KAZN: variants seen among roughly 807,000 people sequenced by gnomAD.
The protein encoded by KAZN is kazrin, periplakin interacting protein, also known as kazrin.
In KAZN, 40 loss-of-function variants were observed where a neutral mutation model predicts 87.4. The ratio of observed to expected loss-of-function variants is 0.46; its 90% confidence interval spans 0.36 to 0.60. The LOEUF (loss-of-function observed/expected upper bound fraction) is 0.60, where lower values mean the gene tolerates loss of function less well. KAZN is among the 20% of genes least tolerant of loss of function. The pLI is 0.00. For synonymous variants in KAZN, 466 were observed against 458.3 expected, an observed-to-expected ratio of 1.02 and a Z score of -0.22; for missense variants, 898 against 1,073.9, an observed-to-expected ratio of 0.84 and a Z score of 2.29.
intron 5 of KAZN, among the ~76,000 whole-genome samples, chr1:15,057,485 T>C (rs1573212804): frequency 6.6e-6 from 1 of 152,214 alleles, no homozygotes; most frequent in Admixed American, 6.5e-5. Context: ...TCATCATTGA[T>C]AGGTGACACA....
At chr1:14,726,545 G>T (rs10927521) in intron 1 of KAZN, among the ~76,000 whole-genome samples, 95,990 of 152,066 alleles carry the variant, frequency 0.63, 31,115 homozygotes, top group Middle Eastern at 0.84. Context: ...TCGAGTGTCT[G>T]TGGGCTGGGT....
At chr1:15,091,356 TG>T (rs1251186550) in intron 8 of KAZN, among the ~76,000 whole-genome samples, 1 of 152,042 alleles carries the variant, frequency 6.6e-6, no homozygotes, top group African/African-American at 2.4e-5. Context: ...TTTTGTTTTT[TG>T]TTTTTGCAAT....
At chr1:15,031,350 G>A (rs189963742) in intron 2 of KAZN, among the ~76,000 whole-genome samples, 9 of 152,348 alleles carry the variant, frequency 5.9e-5, no homozygotes, top group Non-Finnish European at 5.9e-5. Flanking sequence ...GGAGGCTGTG[G>A]AGAGGGGTTA....
intron 1 of KAZN, among the ~76,000 whole-genome samples, chr1:14,698,821 G>T (rs1184722029): frequency 6.6e-6 from 1 of 152,234 alleles, no homozygotes; most frequent in African/African-American, 2.4e-5. Context: ...CCAAACACCT[G>T]AAGTTGGCAA....
intron 1 of KAZN, among the ~76,000 whole-genome samples, chr1:14,833,035 A>G (rs11582230): frequency 0.038 from 5,739 of 152,346 alleles, 357 homozygotes; most frequent in African/African-American, 0.13. Flanking sequence ...TTGATAATGA[A>G]TAATTTACTT....
chr1:14,084,084 C>G (rs770471532), intron 1 of KAZN, among the ~76,000 whole-genome samples: 2 of 152,176 alleles, frequency 1.3e-5, no homozygotes, highest in Non-Finnish European at 2.9e-5. Flanking sequence ...CACAGAGACC[C>G]ATGAGAAGGC....
intron 2 of KAZN, among the ~76,000 whole-genome samples, chr1:14,269,330 A>G (rs1258938118): frequency 1.3e-5 from 2 of 152,130 alleles, no homozygotes; most frequent in African/African-American, 4.8e-5. Flanking sequence ...TGATAAAAAA[A>G]AAGTTTGAGA....
intron 2 of KAZN, among the ~76,000 whole-genome samples, chr1:14,373,410 T>C (rs1459217256): frequency 6.6e-6 from 1 of 152,130 alleles, no homozygotes; most frequent in Non-Finnish European, 1.5e-5. Flanking sequence ...AGAAGACTGA[T>C]GTCCCAACTC....
intron 1 of KAZN, among the ~76,000 whole-genome samples, chr1:14,073,573 C>T (rs1392191434): frequency 1.3e-5 from 2 of 152,082 alleles, no homozygotes; most frequent in Admixed American, 1.3e-4. Context: ...CAAACAGGCC[C>T]TGGTGTGTGA....
chr1:13,965,772 A>G (rs1641920500), intron 1 of KAZN, among the ~76,000 whole-genome samples: 1 of 152,154 alleles, frequency 6.6e-6, no homozygotes, highest in African/African-American at 2.4e-5. Context: ...GGCAAAGTCT[A>G]GTGTCTTCTC....
chr1:14,205,277 C>T (rs1182578015), intron 2 of KAZN, among the ~76,000 whole-genome samples: 2 of 152,146 alleles, frequency 1.3e-5, no homozygotes, highest in Non-Finnish European at 2.9e-5. Context: ...AGTCAGCTCA[C>T]CTAGTCTCTG....
chr1:14,538,611 C>T (rs1402598956), intron 2 of KAZN, among the ~76,000 whole-genome samples: 1 of 152,138 alleles, frequency 6.6e-6, no homozygotes, highest in South Asian at 2.1e-4. Flanking sequence ...GCCTAACCAC[C>T]TCTTAAAGAC....
intron 2 of KAZN, among the ~76,000 whole-genome samples, chr1:14,416,466 G>A (rs895073744): frequency 2.0e-5 from 3 of 152,234 alleles, no homozygotes; most frequent in Admixed American, 6.5e-5. Context: ...GCTGGATGCA[G>A]TGGCTCATGC....
At chr1:14,419,165 G>GT (rs1665122032) in intron 2 of KAZN, among the ~76,000 whole-genome samples, 1 of 152,210 alleles carries the variant, frequency 6.6e-6, no homozygotes, top group African/African-American at 2.4e-5. Flanking sequence ...ACCAGGCACT[G>GT]TAATAAATAT....
rs1242440405 is a variant in KAZN, at chr1:14,243,411, T to C, written c.249+62819T>C. On this transcript the variant is annotated intron_variant, in intron 2 of 16. Transcript: ENST00000636203. ...GGAGGAGGAGGGAAGAAGAGCAGAG[T>C]GATCTATTGTAACATCGACATATAA... Among the ~76,000 whole-genome samples the C allele has an allele frequency of 2.0e-5, 3 of 152,034 alleles. No individual in the cohort carries two copies. The East Asian group carries it at 5.8e-4, about 29-fold the overall frequency.
At chr1:14,304,704 G>A (rs191436364) in intron 2 of KAZN, 31 of 398,094 alleles carry the variant, frequency 7.8e-5, no homozygotes, top group Middle Eastern at 6.3e-4. Flanking sequence ...TCTGAGTTTC[G>A]TATAACCACT....
At chr1:14,238,366 G>A (rs908248023) in intron 2 of KAZN, among the ~76,000 whole-genome samples, 3 of 152,174 alleles carry the variant, frequency 2.0e-5, no homozygotes, top group African/African-American at 7.2e-5. Context: ...CTGTCTGGGT[G>A]TCCTCTCCAG....
chr1:14,941,796 C>T (rs1200925285), intron 1 of KAZN, among the ~76,000 whole-genome samples: 3 of 152,204 alleles, frequency 2.0e-5, no homozygotes, highest in East Asian at 3.8e-4. Flanking sequence ...TGTCTGTTCA[C>T]CAAAGAAGGA....
At chr1:14,433,865 CA>C (rs578048495) in intron 2 of KAZN, among the ~76,000 whole-genome samples, 1 of 150,026 alleles carries the variant, frequency 6.7e-6, no homozygotes, top group African/African-American at 2.4e-5. Flanking sequence ...GTCTCAAAAA[CA>C]AAAAAAAAGG....
Sources: allele counts gnomAD v4.1 joint callset (sites outside exome capture counted in the v4.1 genomes callset), GRCh38; gene constraint gnomAD v4.1.1; transcripts MANE v1.5; gene names NCBI Gene and HGNC (gene_info 2026-07-23, HGNC 2026-07-21).